The following SMARCA4 variants were observed in gnomAD, a reference collection of about 807,000 sequenced individuals.
SMARCA4 encodes the protein SWI/SNF-related matrix-associated actin-dependent regulator of chromatin subfamily A member 4.
Under a neutral mutation model 193.9 loss-of-function variants are expected in SMARCA4, and 31 were observed. That is an observed-to-expected ratio of 0.16 (90% CI 0.12 to 0.22). The LOEUF (loss-of-function observed/expected upper bound fraction) is 0.22, where lower values mean the gene tolerates loss of function less well. SMARCA4 is among the 10% of genes least tolerant of loss of function. SMARCA4 has a pLI of 1.00. For missense variants in SMARCA4, 1,148 were observed against 2,296.0 expected, an observed-to-expected ratio of 0.50 and a Z score of 10.22; for synonymous variants, 942 against 933.1, an observed-to-expected ratio of 1.01 and a Z score of -0.17.
intron 11 of SMARCA4, among the ~76,000 whole-genome samples, chr19:10,996,974 A>G (rs887342785): frequency 3.3e-5 from 5 of 151,228 alleles, no homozygotes; most frequent in Non-Finnish European, 7.4e-5. Flanking sequence ...AAGTGATCCT[A>G]CCCTTCGAGT....
At chr19:11,017,662 C>T (rs777581944) in intron 16 of SMARCA4, among the ~76,000 whole-genome samples, 30 of 152,344 alleles carry the variant, frequency 2.0e-4, no homozygotes, top group Non-Finnish European at 3.2e-4. Context: ...GCAGATGCTC[C>T]GCACACCTCC....
intron 16 of SMARCA4, among the ~76,000 whole-genome samples, chr19:11,016,744 C>T (rs2089400477): frequency 6.6e-6 from 1 of 152,106 alleles, no homozygotes; most frequent in Non-Finnish European, 1.5e-5. Context: ...TTTTGTGGCT[C>T]AAATCCATCC....
intron 8 of SMARCA4, among the ~76,000 whole-genome samples, chr19:10,993,982 G>A (rs901898777): frequency 4.6e-5 from 7 of 152,060 alleles, no homozygotes; most frequent in Non-Finnish European, 1.0e-4. Flanking sequence ...AAACCCAACC[G>A]CGGCAGGCAA....
Position 10,986,737 on chromosome 19 carries a change from G to A in SMARCA4, c.760+144G>A, listed in dbSNP as rs550400963. The stretch of plus-strand genomic sequence containing the variant: ...CCCATACTGCACTTCTGGGTGCTCG[G>A]GTGGTGGGGGCAGCTAAATGCTGCT... On this transcript the variant is annotated intron_variant, in intron 4 of 34. Transcript: ENST00000344626. This position sits in a 1 kb window ranked among gnomAD's most constrained non-coding sequence, Gnocchi z 6.7. 7.5e-7 allele frequency: 1 copy of A among 1,335,404 alleles called. No homozygotes were observed. The highest frequency in any genetic ancestry group is 1.0e-6 in the Non-Finnish European group (1 of 968,142). The allele number at this position is 1,335,404 out of a possible 1,614,324, so 82.7% of individuals were successfully genotyped here. A position where few individuals can be genotyped will look rare whatever the true frequency, so the allele number is the denominator to read the frequency against.
At chr19:11,015,675 A>G (rs1049689659) in intron 16 of SMARCA4, among the ~76,000 whole-genome samples, 2 of 152,052 alleles carry the variant, frequency 1.3e-5, no homozygotes, top group African/African-American at 4.8e-5. Flanking sequence ...ACTCCATTTC[A>G]TGTTGCCATA....
In SMARCA4 at chr19:10,991,234, C is replaced by T. The variant is rs550815250; in HGVS notation, c.1330C>T (p.Arg444Cys). 1.9e-6 allele frequency: 3 copies of T among 1,613,712 alleles called. No individual in the cohort carries two copies. Among genetic ancestry groups the T allele is most frequent in the Non-Finnish European group, 2.5e-6 (3 of 1,179,932 alleles). The change falls in exon 8 of 35, where the codon CGC (arginine) becomes TGC (cysteine). Residue 444 changes from arginine (R) to cysteine (C), a missense_variant. Transcript: ENST00000344626. ...LNAKAYKRSK[R>C]QSLREARITE... ...TGCTAAGGCCTACAAGCGCAGCAAG[C>T]GCCAGTCCCTGCGCGAGGCCCGCAT...
chr19:11,049,650 C>T (rs753020988), intron 30 of SMARCA4, among the ~76,000 whole-genome samples: 3 of 152,074 alleles, frequency 2.0e-5, no homozygotes, highest in South Asian at 2.1e-4. Context: ...GTGTCAAGGC[C>T]GCATGTGTGT....
intron 1 of SMARCA4, among the ~76,000 whole-genome samples, chr19:10,971,900 T>C (rs934464750): frequency 2.0e-5 from 3 of 151,126 alleles, no homozygotes; most frequent in African/African-American, 7.3e-5. Flanking sequence ...TCAATTTTCC[T>C]GCCTCAGCCT....
intron 34 of SMARCA4, among the ~76,000 whole-genome samples, chr19:11,061,310 A>C (rs1373415183): frequency 6.7e-6 from 1 of 148,820 alleles, no homozygotes; most frequent in African/African-American, 2.5e-5. Flanking sequence ...TCAGGGGCCA[A>C]GGGCCAGGCA....
At position 11,033,153 on chromosome 19, in the gene SMARCA4, G is replaced by A. The variant is rs1021830491; in HGVS notation, c.3547-137G>A. 5.0e-5 allele frequency: 36 copies of A among 724,862 alleles called. No individual in the cohort carries two copies. The highest frequency in any genetic ancestry group is 3.6e-4 in the Middle Eastern group (1 of 2,760). The allele number at this position is 724,862 out of a possible 1,614,324, so 44.9% of individuals were successfully genotyped here. A position where few individuals can be genotyped will look rare whatever the true frequency, so the allele number is the denominator to read the frequency against. On this transcript the variant is annotated intron_variant, in intron 25 of 34. Transcript: ENST00000344626. The surrounding 1 kb of genome is among the most constrained non-coding windows in gnomAD (Gnocchi z 9.8). ...GCTCCACCAGCTCTGTTTTCATGCGGCGGCAGGTCAGGCTGGGCAGAATTG... is the reference window on the plus strand; with the variant it reads ...GCTCCACCAGCTCTGTTTTCATGCGACGGCAGGTCAGGCTGGGCAGAATTG...
At chr19:10,968,052 C>T (rs142146862) in intron 1 of SMARCA4, among the ~76,000 whole-genome samples, 6,198 of 151,822 alleles carry the variant, frequency 0.041, 156 homozygotes, top group South Asian at 0.082. Context: ...GGGGTTTCAC[C>T]ATGTTAGCCA....
intron 14 of SMARCA4, among the ~76,000 whole-genome samples, chr19:11,009,007 CTTTTTTTTTTTTTTTTTTTTTT>C (rs762148337): frequency 2.0e-4 from 8 of 40,948 alleles, no homozygotes; most frequent in African/African-American, 8.3e-4. Flanking sequence ...ATAAAAGTCA[CTTTTTTTTTTTTTTTTTTTTTT>C]TTTTTTTTTT....
rs756404222 is a variant in SMARCA4 at position 10,985,254 on chromosome 19, GC to G, written c.223-17del. On this transcript the variant is annotated intron_variant, in intron 2 of 34. Transcript: ENST00000344626. This position sits in a 1 kb window ranked among gnomAD's most constrained non-coding sequence, Gnocchi z 4.5. ...ACGTTCCACATGCTGACCCTGCCTT[GC>G]CATGGTCCCTCTCGCAGCCCATGGA... 5 of 1,613,696 alleles carry G rather than the reference GC, an allele frequency of 3.1e-6. No individual in the cohort carries two copies. The highest frequency in any genetic ancestry group is 4.2e-6 in the Non-Finnish European group (5 of 1,179,884).
At chr19:11,051,637 T>C (rs929434921) in intron 30 of SMARCA4, among the ~76,000 whole-genome samples, 21 of 151,834 alleles carry the variant, frequency 1.4e-4, no homozygotes, top group Admixed American at 3.9e-4. Flanking sequence ...ACTACAGGCA[T>C]GCACCACCAC....
At chr19:10,970,452 C>T (rs1432605355) in intron 1 of SMARCA4, among the ~76,000 whole-genome samples, 1 of 152,166 alleles carries the variant, frequency 6.6e-6, no homozygotes, top group Non-Finnish European at 1.5e-5. Context: ...GACAGAGTGT[C>T]ACTCTCACCC....
intron 14 of SMARCA4, 36 bp from the exon 15 acceptor site, chr19:11,010,345 G>A (rs1279008708): frequency 6.2e-7 from 1 of 1,611,500 alleles, no homozygotes; most frequent in Non-Finnish European, 8.5e-7. Flanking sequence ...AGATAGGAAT[G>A]TGTGTCCTTA....
chr19:11,027,784 G>A lies in SMARCA4; in HGVS notation c.3216G>A (p.Gly1072=), dbSNP rs1421918147. 6.2e-7 allele frequency: 1 copy of A among 1,613,996 alleles called. No homozygotes were observed. The part of the protein sequence containing the change: ...HLGFTGGIVQ[G]LDLYRASGKF... ...CTCTCCTGCCTCCTCCACACTCCAG[G>A]CTGGACCTGTACCGAGCCTCGGGTA... Residue 1072 remains glycine (G), a splice_region_variant and synonymous_variant, in exon 24 of 35, where the codon GGG becomes GGA. Coordinates refer to ENST00000344626, the MANE Select transcript of SMARCA4 (RefSeq NM_003072.5).
In SMARCA4 at chr19:10,982,712, C is replaced by T. The variant is rs542852446; in HGVS notation, c.-31-1409C>T. ...GTAGAGACAGGGTTTCACCATGTTA[C>T]CCAGGATGGTCTCGATCTCCTGACC... On this transcript the variant is annotated intron_variant, in intron 1 of 34. Transcript: ENST00000344626. 9.9e-5 allele frequency among the ~76,000 whole-genome samples: 15 copies of T among 151,930 alleles called. No individual in the cohort carries two copies. In the South Asian group the frequency reaches 1.2e-3, roughly 13 times the overall value.
chr19:10,987,389 A>G lies in SMARCA4; in HGVS notation c.860-277A>G, dbSNP rs980308012. Among the ~76,000 whole-genome samples the G allele has an allele frequency of 5.3e-5, 8 of 152,112 alleles. No individual in the cohort carries two copies. The highest frequency in any genetic ancestry group is 1.0e-4 in the Non-Finnish European group (7 of 68,008). On this transcript the variant is annotated intron_variant, in intron 5 of 34. Coordinates refer to ENST00000344626, the MANE Select transcript of SMARCA4 (RefSeq NM_003072.5). This position sits in a 1 kb window ranked among gnomAD's most constrained non-coding sequence, Gnocchi z 5.3. ...TGGATTTAGTTGGCACTAGGAGGAGATGACAGGAAATGCTGCCATAGAGCC... is the reference window on the plus strand; with the variant it reads ...TGGATTTAGTTGGCACTAGGAGGAGGTGACAGGAAATGCTGCCATAGAGCC...
Sources: allele counts gnomAD v4.1 joint callset (sites outside exome capture counted in the v4.1 genomes callset), GRCh38; gene constraint gnomAD v4.1.1; non-coding constraint Gnocchi (gnomAD v3.1); transcripts MANE v1.5; gene names NCBI Gene and HGNC (gene_info 2026-07-23, HGNC 2026-07-21).